Variants in TBC1D31 observed in about 807,000 individuals in gnomAD.
TBC1D31 encodes the protein TBC1 domain family member 31.
A neutral mutation model predicts 132.9 loss-of-function variants in TBC1D31; 99 were observed. That is an observed-to-expected ratio of 0.74 (90% CI 0.63 to 0.88). The LOEUF is 0.88. Among genes scored for constraint, TBC1D31 ranks in the 40% least tolerant of loss-of-function variants. TBC1D31 has a pLI of 0.00. For synonymous variants in TBC1D31, 385 were observed against 419.4 expected, an observed-to-expected ratio of 0.92 and a Z score of 1.00; for missense variants, 1,134 against 1,256.6, an observed-to-expected ratio of 0.90 and a Z score of 1.48.
intron 1 of TBC1D31, among the ~76,000 whole-genome samples, chr8:123,073,949 G>C (rs1458906494): frequency 2.0e-5 from 3 of 152,112 alleles, no homozygotes; most frequent in Non-Finnish European, 2.9e-5. Flanking sequence ...GTCTCCCAAC[G>C]TGCAGGGATT....
At chr8:123,163,945 A>T in the TBC1D31 span, among the ~76,000 whole-genome samples, 1 of 152,220 alleles carries the variant, frequency 6.6e-6, no homozygotes, top group Non-Finnish European at 1.5e-5. Context: ...CTCTGTGCTC[A>T]TTAAGCAATA....
intron 11 of TBC1D31, 21 bp from the exon 12 acceptor site, chr8:123,126,035 T>G (rs938580113): frequency 6.4e-7 from 1 of 1,557,738 alleles, no homozygotes; most frequent in Non-Finnish European, 8.7e-7. Context: ...AAAGATATGT[T>G]TTCTTTTTTT....
intron 4 of TBC1D31, among the ~76,000 whole-genome samples, chr8:123,089,138 T>C (rs566043071): frequency 1.9e-4 from 29 of 152,314 alleles, no homozygotes; most frequent in Non-Finnish European, 1.3e-4. Flanking sequence ...GAAATGCTCA[T>C]TGGAGCATTT....
At chr8:123,151,656 C>T (rs1822779699) in intron 21 of TBC1D31, 150 bp from the exon 22 acceptor site, 1 of 631,650 alleles carries the variant, frequency 1.6e-6, no homozygotes, top group African/African-American at 1.9e-5. Flanking sequence ...GTAAATGGAA[C>T]CACCTAGGGC....
chr8:123,084,761 T>A (rs1815541953), intron 4 of TBC1D31, among the ~76,000 whole-genome samples: 1 of 149,780 alleles, frequency 6.7e-6, no homozygotes, highest in African/African-American at 2.5e-5. Flanking sequence ...CTCTTATGGG[T>A]CTATCCATCT....
downstream of TBC1D31, among the ~76,000 whole-genome samples, chr8:123,154,805 G>C (rs746368538): frequency 2.0e-5 from 3 of 152,182 alleles, no homozygotes; most frequent in Admixed American, 6.5e-5. Flanking sequence ...GGCAGAGCAC[G>C]ACTAGATGTC....
In TBC1D31 at chr8:123,120,106, T is replaced by C. The variant is rs1476749179; in HGVS notation, c.1488T>C (p.Tyr496=). The change falls in exon 11 of 22, where the codon TAT becomes TAC. Residue 496 remains tyrosine, a synonymous_variant. Transcript: ENST00000287380. ...HWSVIFSDTP[Y]LPLLAFPFVK... is the part of the protein sequence containing the mutation. ...CTGTCATTTTTAGTGACACACCATA[T>C]CTTCCACTCTTGGCATTTCCATTTG... 2.5e-6 allele frequency: 4 copies of C among 1,611,066 alleles called. No individual in the cohort carries two copies. Among genetic ancestry groups the C allele is most frequent in the Non-Finnish European group, 3.4e-6 (4 of 1,178,564 alleles).
At chr8:123,129,647 G>T (rs937438057) in intron 15 of TBC1D31, among the ~76,000 whole-genome samples, 2 of 152,078 alleles carry the variant, frequency 1.3e-5, no homozygotes, top group Non-Finnish European at 2.9e-5. Flanking sequence ...CACTTTGGAG[G>T]ACAGGGGAAT....
intron 4 of TBC1D31, among the ~76,000 whole-genome samples, chr8:123,092,652 A>G (rs925000534): frequency 3.3e-5 from 5 of 151,782 alleles, no homozygotes; most frequent in Admixed American, 6.6e-5. Flanking sequence ...CTATGCATGT[A>G]TGTGCTTTCT....
At chr8:123,090,848 A>C (rs957098996) in intron 4 of TBC1D31, among the ~76,000 whole-genome samples, 9 of 152,238 alleles carry the variant, frequency 5.9e-5, no homozygotes, top group Admixed American at 5.2e-4. Flanking sequence ...GCTGCTTGGG[A>C]GGCTGAGGCA....
chr8:123,151,699 G>C (rs1822783672), intron 21 of TBC1D31, 107 bp from the exon 22 acceptor site: 3 of 1,174,040 alleles, frequency 2.6e-6, no homozygotes, highest in South Asian at 3.6e-5. Context: ...TTTTAGAATT[G>C]CATTTCATTA....
chr8:123,139,836 T>C (rs565202028), intron 17 of TBC1D31, among the ~76,000 whole-genome samples: 51 of 152,308 alleles, frequency 3.3e-4, no homozygotes, highest in African/African-American at 1.2e-3. Flanking sequence ...GTAGCCAAGA[T>C]ACTCAACAGT....
At chr8:123,127,070 A>T (rs1820128911) in intron 13 of TBC1D31, among the ~76,000 whole-genome samples, 1 of 151,866 alleles carries the variant, frequency 6.6e-6, no homozygotes, top group Admixed American at 6.6e-5. Context: ...AAATCCATTT[A>T]TTTATTGAGT....
chr8:123,154,565 C>T (rs913463858), downstream of TBC1D31, among the ~76,000 whole-genome samples: 22 of 152,272 alleles, frequency 1.4e-4, no homozygotes, highest in Middle Eastern at 3.4e-3. Flanking sequence ...ATAAGGACCC[C>T]GCTTGTCAGG....
intron 5 of TBC1D31, among the ~76,000 whole-genome samples, chr8:123,095,418 A>G (rs1425420693): frequency 6.6e-6 from 1 of 152,230 alleles, no homozygotes; most frequent in Non-Finnish European, 1.5e-5. Context: ...ATTTTGATGT[A>G]CAGTTGTAAA....
chr8:123,095,876 T>G (rs1457979104), intron 5 of TBC1D31, among the ~76,000 whole-genome samples: 1 of 152,214 alleles, frequency 6.6e-6, no homozygotes, highest in Non-Finnish European at 1.5e-5. Context: ...TCATTGTTTC[T>G]AGTCAGGGGA....
Position 123,097,442 on chromosome 8 carries a change from G to T in TBC1D31, c.831+1G>T, listed in dbSNP as rs745605220. The T allele has an allele frequency of 5.0e-6, 8 of 1,613,870 alleles. No homozygotes were observed. Among genetic ancestry groups the T allele is most frequent in the Non-Finnish European group, 6.8e-6 (8 of 1,179,968 alleles). On this transcript the variant is annotated splice_donor_variant, in intron 6 of 21. Transcript: ENST00000287380. LOFTEE classifies it high-confidence loss of function. ...TAGTTTTGATGCTGGTTCTAATCAG[G>T]TTAGTAACATAAATGTAGGGCACTG...
At chr8:123,088,752 T>C (rs10087248) in intron 4 of TBC1D31, among the ~76,000 whole-genome samples, 6 of 152,334 alleles carry the variant, frequency 3.9e-5, no homozygotes, top group African/African-American at 1.4e-4. Context: ...TCTTTTGTTA[T>C]GGATTTCATT....
At chr8:123,097,485 C>T (rs542592457) in intron 6 of TBC1D31, 44 bp downstream of exon 6, 173 of 1,589,118 alleles carry the variant, frequency 1.1e-4, no homozygotes, top group African/African-American at 1.6e-4. Context: ...TGAGAAAGAA[C>T]GCATCCGTCT....
Sources: allele counts gnomAD v4.1 joint callset (sites outside exome capture counted in the v4.1 genomes callset), GRCh38; gene constraint gnomAD v4.1.1; transcripts MANE v1.5; gene names NCBI Gene and HGNC (gene_info 2026-07-23, HGNC 2026-07-21).